Variants in ZEB2 observed in about 807,000 individuals in gnomAD.
ZEB2 encodes zinc finger E-box-binding homeobox 2.
Under a neutral mutation model 99.9 loss-of-function variants are expected in ZEB2, and 6 were observed. The ratio of observed to expected loss-of-function variants is 0.06; its 90% CI spans 0.03 to 0.12. The LOEUF (loss-of-function observed/expected upper bound fraction) is 0.12, where lower values mean the gene tolerates loss of function less well. ZEB2 is among the 10% of genes least tolerant of loss of function. The pLI is 1.00. For missense variants in ZEB2, 969 were observed against 1,502.8 expected (o/e 0.64, Z 5.87); for synonymous variants, 517 against 542.5 (o/e 0.95, Z 0.65).
chr2:144,499,059 G>A (rs562636830), intron 2 of ZEB2, among the ~76,000 whole-genome samples: 21 of 152,254 alleles, frequency 1.4e-4, no homozygotes, highest in South Asian at 6.2e-4. Context: ...CAAAAAACAC[G>A]TAGAATATTT....
Position 144,399,180 on chromosome 2 carries a change from G to A in ZEB2, c.2007C>T (p.Pro669=), listed in dbSNP as rs954640650. 1 of 1,614,154 alleles carries A rather than the reference G, an allele frequency of 6.2e-7. No homozygotes were observed. The highest frequency in any genetic ancestry group is 1.6e-4 in the Middle Eastern group (1 of 6,062). The change falls in exon 8 of 10, where the codon CCC becomes CCT. Residue 669 remains proline, a synonymous_variant. Transcript: ENST00000627532. This position sits in a 1 kb window ranked among gnomAD's most constrained non-coding sequence, Gnocchi z 5.6. Reference sequence around the variant, plus strand: ...AAATTTTCAGCAGTTCATCGGAGTTGGGCTCCATGTTCATAGCATAGTATG... The same window carrying A: ...AAATTTTCAGCAGTTCATCGGAGTTAGGCTCCATGTTCATAGCATAGTATG... ...LKAYYAMNME[P]NSDELLKISI...
At chr2:144,462,396 C>CAAAACA (rs989530912) in intron 2 of ZEB2, 15 of 151,952 alleles carry the variant, frequency 9.9e-5, no homozygotes, top group African/African-American at 3.6e-4. Flanking sequence ...CCAGCAAAAA[C>CAAAACA]AAAACAAAAA....
At chr2:144,396,714 A>ATT in intron 8 of ZEB2, 122 bp from the exon 9 acceptor site, 1 of 1,057,410 alleles carries the variant, frequency 9.5e-7, no homozygotes, top group African/African-American at 1.6e-5. Context: ...TGAGTTAAAC[A>ATT]TTTTTTTTTC....
At chr2:144,410,531 C>A (rs1480068947) in intron 4 of ZEB2, among the ~76,000 whole-genome samples, 2 of 152,110 alleles carry the variant, frequency 1.3e-5, no homozygotes, top group African/African-American at 4.8e-5. Context: ...AATTAGTCAG[C>A]CCCCATAATC....
intron 2 of ZEB2, among the ~76,000 whole-genome samples, chr2:144,497,063 C>T (rs1704771967): frequency 6.6e-6 from 1 of 152,218 alleles, no homozygotes; most frequent in Admixed American, 6.5e-5. Flanking sequence ...AATGCCTGCG[C>T]TGTTCACCCT....
rs1040568384 is a variant in ZEB2, at chr2:144,520,030, G to C, written c.-161C>G. 1 of 454,390 alleles carries C rather than the reference G, an allele frequency of 2.2e-6. No homozygotes were observed. The highest frequency in any genetic ancestry group is 4.4e-6 in the Non-Finnish European group (1 of 226,786). The allele number at this position is 454,390 out of a possible 1,614,324, so 28.1% of individuals were successfully genotyped here. A position where few individuals can be genotyped will look rare whatever the true frequency, so the allele number is the denominator to read the frequency against. ...GTGTGGGGGAGAAAAAGGTGGAAGC[G>C]AAGAAACAGCTCCCGGAGCAAACTG... On this transcript the variant is annotated 5_prime_UTR_variant, in exon 1 of 10. Transcript: ENST00000627532.
At chr2:144,414,153 C>G (rs1400978368) in intron 4 of ZEB2, among the ~76,000 whole-genome samples, 1 of 152,158 alleles carries the variant, frequency 6.6e-6, no homozygotes, top group Non-Finnish European at 1.5e-5. Flanking sequence ...TGGAGACACC[C>G]AAAGAAGGAT....
chr2:144,438,431 A>G (rs1326041015), intron 2 of ZEB2, among the ~76,000 whole-genome samples: 1 of 151,924 alleles, frequency 6.6e-6, no homozygotes, highest in Non-Finnish European at 1.5e-5. Context: ...TTGAGGGGGA[A>G]ATAGAGTCAT....
Position 144,414,222 on chromosome 2 carries a change from A to G in ZEB2, c.404-9198T>C, listed in dbSNP as rs528868491. 2.0e-5 allele frequency among the ~76,000 whole-genome samples: 3 copies of G among 152,306 alleles called. No homozygotes were observed. In the East Asian group the frequency reaches 5.8e-4, roughly 29 times the overall value. On this transcript the variant is annotated intron_variant, in intron 4 of 9. Transcript: ENST00000627532. ...CAATACTTGAAGCAGTGCCTCTCTG[A>G]TTCCACCACTTCCCATCCTAGCTTG... is the stretch of plus-strand genomic sequence containing the variant.
At chr2:144,455,745 GTCTC>G (rs201009028) in intron 2 of ZEB2, among the ~76,000 whole-genome samples, 4 of 151,730 alleles carry the variant, frequency 2.6e-5, no homozygotes, top group East Asian at 1.9e-4. Context: ...TGTTTCTCTC[GTCTC>G]TCTCTCTTTC....
At chr2:144,446,053 CCCTT>C (rs1169788243) in intron 2 of ZEB2, among the ~76,000 whole-genome samples, 4 of 151,790 alleles carry the variant, frequency 2.6e-5, no homozygotes, top group African/African-American at 4.8e-5. Flanking sequence ...TTCTCTCTCC[CCCTT>C]CCTTCCTTCC....
chr2:144,515,386 G>C (rs905344183), intron 2 of ZEB2, among the ~76,000 whole-genome samples: 1 of 152,082 alleles, frequency 6.6e-6, no homozygotes, highest in African/African-American at 2.4e-5. Context: ...GGAAACACAA[G>C]AGAGGAGAGG....
chr2:144,405,059 G>A (rs779086535), intron 4 of ZEB2, 35 bp from the exon 5 acceptor site: 28 of 1,602,580 alleles, frequency 1.7e-5, no homozygotes, highest in South Asian at 2.2e-5. Flanking sequence ...TGTTGTTTCC[G>A]GGCCTTCTTC....
At chr2:144,433,888 C>T (rs1177416107) in intron 2 of ZEB2, among the ~76,000 whole-genome samples, 2 of 152,110 alleles carry the variant, frequency 1.3e-5, no homozygotes, top group African/African-American at 2.4e-5. Context: ...TTATAACGTC[C>T]ATACCTGCTG....
intron 2 of ZEB2, among the ~76,000 whole-genome samples, chr2:144,476,533 T>A (rs1704432477): frequency 6.6e-6 from 1 of 152,196 alleles, no homozygotes; most frequent in Admixed American, 6.5e-5. Flanking sequence ...TCAGGAACAC[T>A]GGGCACCTTG....
At chr2:144,517,726 T>C (rs1163695949) in intron 1 of ZEB2, 2 of 702,348 alleles carry the variant, frequency 2.8e-6, no homozygotes, top group East Asian at 5.4e-5. Context: ...TAAGACCGCT[T>C]GACTCAGGGC....
chr2:144,495,879 T>C (rs1704751077), intron 2 of ZEB2: 1 of 152,256 alleles, frequency 6.6e-6, no homozygotes, highest in African/African-American at 2.4e-5. Context: ...GGGTTGTGCT[T>C]AGAGCCCTGT....
chr2:144,475,248 C>T (rs1473140347), intron 2 of ZEB2, among the ~76,000 whole-genome samples: 2 of 152,078 alleles, frequency 1.3e-5, no homozygotes, highest in Non-Finnish European at 2.9e-5. Flanking sequence ...TGTTATAAAC[C>T]ATCTCAGATT....
rs377343521 is a variant in ZEB2 at position 144,398,901 on chromosome 2, T to C, written c.2286A>G (p.Lys762=). 6.2e-6 allele frequency: 10 copies of C among 1,614,106 alleles called. No homozygotes were observed. In the South Asian group the frequency reaches 8.8e-5, roughly 14 times the overall value. ...TNCDPPLRLT[K]PSHFTNIKPV... ...GTTTAATATTGGTAAAATGGGAAGG[T>C]TTTGTTAGCCTGAGAGGAGGATCAC... Residue 762 remains lysine, a synonymous_variant, in exon 8 of 10, where the codon AAA becomes AAG. Transcript: ENST00000627532.
Sources: gnomAD v4.1 joint callset for allele counts (sites outside exome capture counted in the v4.1 genomes callset) on GRCh38, gnomAD v4.1.1 for gene constraint, Gnocchi (gnomAD v3.1) non-coding constraint, MANE v1.5 for transcripts, NCBI Gene and HGNC (gene_info 2026-07-23, HGNC 2026-07-21) for gene names.